DENND5A: variants seen among roughly 807,000 people sequenced by gnomAD.
DENND5A encodes DENN domain-containing protein 5A.
In DENND5A, 64 loss-of-function variants were observed where a neutral mutation model predicts 140.3. That is an observed-to-expected ratio of 0.46 (90% CI 0.37 to 0.56). The LOEUF (loss-of-function observed/expected upper bound fraction) is 0.56, where lower values mean the gene tolerates loss of function less well. Among genes scored for constraint, DENND5A ranks in the 20% least tolerant of loss-of-function variants. The pLI is 0.00. For synonymous variants in DENND5A, 605 were observed against 607.7 expected (o/e 1.00, Z 0.07); for missense variants, 1,292 against 1,593.8 (o/e 0.81, Z 3.22).
In DENND5A at chr11:9,263,434, T is replaced by C. The variant is rs565408171; in HGVS notation, c.109+1527A>G. ...CGGGGGTTTCACCATGTTGGCCAAATTGGTCTCGAACTCCTGACCTCAGGT... is the reference window on the plus strand; with the variant it reads ...CGGGGGTTTCACCATGTTGGCCAAACTGGTCTCGAACTCCTGACCTCAGGT... On this transcript the variant is annotated intron_variant, in intron 1 of 22. Coordinates refer to ENST00000328194, the MANE Select transcript of DENND5A (RefSeq NM_015213.4). 2.6e-3 allele frequency among the ~76,000 whole-genome samples: 391 copies of C among 150,752 alleles called. 1 individual carries two copies. The highest frequency in any genetic ancestry group is 8.9e-3 in the African/African-American group (365 of 41,190).
chr11:9,236,480 C>CA (rs1315705282), intron 1 of DENND5A, among the ~76,000 whole-genome samples: 1 of 151,046 alleles, frequency 6.6e-6, no homozygotes, highest in East Asian at 1.9e-4. Flanking sequence ...TGTGGTGAGC[C>CA]AAAATTGCAC....
At chr11:9,154,527 G>A (rs1018576158) in intron 12 of DENND5A, among the ~76,000 whole-genome samples, 1 of 150,206 alleles carries the variant, frequency 6.7e-6, no homozygotes, top group Non-Finnish European at 1.5e-5. Context: ...ATCTACTCTG[G>A]GGAAAAAAAA....
chr11:9,162,754 G>A (rs950340013), intron 11 of DENND5A, among the ~76,000 whole-genome samples: 1 of 151,982 alleles, frequency 6.6e-6, no homozygotes, highest in Admixed American at 6.6e-5. Flanking sequence ...AGACTGGAGT[G>A]CAGTGGCTCG....
Position 9,144,084 on chromosome 11 carries a change from T to G in DENND5A, c.3304+13A>C. ...CTGTATGGCATGAGGGCCCAACCCC[T>G]CCTCCCACTTACTGGGCTTGTTGTT... On this transcript the variant is annotated intron_variant, in intron 19 of 22. Transcript: ENST00000328194. The G allele has an allele frequency of 1.2e-6, 2 of 1,610,622 alleles. No individual in the cohort carries two copies. Among genetic ancestry groups the G allele is most frequent in the Non-Finnish European group, 1.7e-6 (2 of 1,178,326 alleles).
chr11:9,243,454 TAC>T lies in DENND5A; in HGVS notation c.109+21505_109+21506del, dbSNP rs199746918. 7.2e-3 allele frequency among the ~76,000 whole-genome samples: 1,102 copies of T among 152,298 alleles called. 10 individuals carry two copies. The highest frequency in any genetic ancestry group is 0.025 in the African/African-American group (1,060 of 41,574). On this transcript the variant is annotated intron_variant, in intron 1 of 22. Coordinates refer to ENST00000328194, the MANE Select transcript of DENND5A (RefSeq NM_015213.4). ...GGTTTCAACTGTGTGGGTACACTTA[TAC>T]ATAGATTTTCTTCCACCTCTGCCAC...
chr11:9,258,283 AC>A (rs1397306820), intron 1 of DENND5A, among the ~76,000 whole-genome samples: 8 of 71,360 alleles, frequency 1.1e-4, no homozygotes, highest in African/African-American at 3.2e-4. Flanking sequence ...CTAGTCCCCC[AC>A]CCCCCCAACA....
In DENND5A at chr11:9,237,128, T is replaced by C. The variant is rs1590319274; in HGVS notation, c.109+27833A>G. Among the ~76,000 whole-genome samples the C allele has an allele frequency of 2.6e-5, 4 of 152,142 alleles. No homozygotes were observed. The South Asian group carries it at 6.2e-4, about 24-fold the overall frequency. On this transcript the variant is annotated intron_variant, in intron 1 of 22. Coordinates refer to ENST00000328194, the MANE Select transcript of DENND5A (RefSeq NM_015213.4). ...TAATTAAATTCAGATTAAAACAAGA[T>C]ATGTTTGGGCCGGCACGGTGGCTCA...
intron 1 of DENND5A, among the ~76,000 whole-genome samples, chr11:9,251,501 C>G (rs11042244): frequency 6.6e-6 from 1 of 152,134 alleles, no homozygotes; most frequent in Non-Finnish European, 1.5e-5. Context: ...ATCTTACTTC[C>G]TGAGTCATAT....
Position 9,160,740 on chromosome 11 carries a change from G to A in DENND5A, c.2409C>T (p.Ile803=), listed in dbSNP as rs772955654. 6.2e-7 allele frequency: 1 copy of A among 1,613,842 alleles called. No individual in the cohort carries two copies. The highest frequency in any genetic ancestry group is 1.1e-5 in the South Asian group (1 of 91,050). Residue 803 remains isoleucine, a synonymous_variant, in exon 12 of 23, where the codon ATC becomes ATT. Coordinates refer to ENST00000328194, the MANE Select transcript of DENND5A (RefSeq NM_015213.4). ...IASLCDLLER[I]WSHGLQVKQG... ...GTTTCACTTGTAGTCCATGACTCCA[G>A]ATCCTTTCCAGGAGATCACAAAGGC...
chr11:9,173,176 C>G (rs1412517470), intron 8 of DENND5A, among the ~76,000 whole-genome samples: 1 of 151,890 alleles, frequency 6.6e-6, no homozygotes, highest in African/African-American at 2.4e-5. Flanking sequence ...AACCTATACT[C>G]AGGGAAAATA....
chr11:9,173,512 T>G (rs982093357), intron 8 of DENND5A, among the ~76,000 whole-genome samples: 2 of 152,142 alleles, frequency 1.3e-5, no homozygotes, highest in Non-Finnish European at 2.9e-5. Flanking sequence ...AAATAGAGTT[T>G]TGTGAAGTTC....
At chr11:9,191,308 G>A (rs937564310) in intron 5 of DENND5A, among the ~76,000 whole-genome samples, 5 of 151,978 alleles carry the variant, frequency 3.3e-5, no homozygotes, top group African/African-American at 1.2e-4. Context: ...GCGTGATCTC[G>A]GCTCACTGCA....
chr11:9,263,194 T>C lies in DENND5A; in HGVS notation c.109+1767A>G, dbSNP rs1023826954. Among the ~76,000 whole-genome samples, 6 of 152,140 alleles carry C rather than the reference T, an allele frequency of 3.9e-5. No homozygotes were observed. In the East Asian group the frequency reaches 7.7e-4, roughly 20 times the overall value. ...ACCTTGTTAAAGCATGAATTTATCA[T>C]GCTTTTTTCTTCTTTTTCTTTTTTC... On this transcript the variant is annotated intron_variant, in intron 1 of 22. Coordinates refer to ENST00000328194, the MANE Select transcript of DENND5A (RefSeq NM_015213.4).
intron 1 of DENND5A, among the ~76,000 whole-genome samples, chr11:9,227,462 CCTT>C (rs1159262058): frequency 6.6e-6 from 1 of 152,112 alleles, no homozygotes; most frequent in African/African-American, 2.4e-5. Flanking sequence ...ATGTGTACCT[CCTT>C]CTCTAGGCAA....
At chr11:9,159,321 CT>C (rs59379591) in intron 12 of DENND5A, among the ~76,000 whole-genome samples, 5,374 of 136,724 alleles carry the variant, frequency 0.039, 247 homozygotes, top group African/African-American at 0.13. Context: ...ACTTTTTTTT[CT>C]TTTTTTTTTT....
intron 1 of DENND5A, among the ~76,000 whole-genome samples, chr11:9,252,266 A>C (rs1851757776): frequency 6.9e-6 from 1 of 145,550 alleles, no homozygotes; most frequent in African/African-American, 2.6e-5. Flanking sequence ...ACTGCACTCC[A>C]GCCTGGGCGA....
intron 1 of DENND5A, among the ~76,000 whole-genome samples, chr11:9,237,992 AG>A (rs1851074755): frequency 6.6e-6 from 1 of 152,256 alleles, no homozygotes; most frequent in Non-Finnish European, 1.5e-5. Flanking sequence ...ATTTGAAAAA[AG>A]AAAAATCTTA....
intron 1 of DENND5A, among the ~76,000 whole-genome samples, chr11:9,212,717 A>T (rs540237792): frequency 8.5e-5 from 13 of 152,362 alleles, no homozygotes; most frequent in African/African-American, 3.1e-4. Flanking sequence ...AGGGCAAATT[A>T]AAAACATTTT....
intron 1 of DENND5A, among the ~76,000 whole-genome samples, chr11:9,251,924 G>GCTT (rs1432682897): frequency 6.6e-6 from 1 of 151,884 alleles, no homozygotes; most frequent in East Asian, 1.9e-4. Context: ...AGGAGGCGGA[G>GCTT]CTTGCAGTGA....
Sources: gnomAD v4.1 joint callset for allele counts (sites outside exome capture counted in the v4.1 genomes callset) on GRCh38, gnomAD v4.1.1 for gene constraint, MANE v1.5 for transcripts, NCBI Gene and HGNC (gene_info 2026-07-23, HGNC 2026-07-21) for gene names.